Variants in XPO1 observed in about 807,000 individuals in gnomAD.
XPO1 encodes the protein exportin-1.
A neutral mutation model predicts 133.3 loss-of-function variants in XPO1; 5 were observed. The ratio of observed to expected loss-of-function variants is 0.04; its 90% CI spans 0.02 to 0.08. XPO1 has a LOEUF of 0.08. Among genes scored for constraint, XPO1 ranks in the 10% least tolerant of loss-of-function variants. The pLI, the probability that XPO1 is intolerant of heterozygous loss-of-function variation, is 1.00. For missense variants in XPO1, 506 were observed against 1,267.5 expected (o/e 0.40, Z 9.12); for synonymous variants, 419 against 408.2 (o/e 1.03, Z -0.32).
intron 4 of XPO1, among the ~76,000 whole-genome samples, chr2:61,519,195 T>C (rs1175270735): frequency 6.6e-6 from 1 of 152,172 alleles, no homozygotes; most frequent in Non-Finnish European, 1.5e-5. Context: ...GTTATCTGCC[T>C]GCCTTGGCCT....
chr2:61,502,425 T>C (rs1289809318), intron 4 of XPO1, 115 bp from the exon 5 acceptor site: 2 of 1,020,392 alleles, frequency 2.0e-6, no homozygotes, highest in Non-Finnish European at 2.9e-6. Flanking sequence ...TCAGTTAATA[T>C]ACTCTAATCC....
chr2:61,496,796 G>T, intron 10 of XPO1, 83 bp downstream of exon 10: 1 of 1,300,306 alleles, frequency 7.7e-7, no homozygotes, highest in East Asian at 2.9e-5. Flanking sequence ...TTGATACGTC[G>T]TTCTAAAATA....
At position 61,502,322 on chromosome 2, in the gene XPO1, A is replaced by G; in HGVS notation, c.302-12T>C. 6.2e-7 allele frequency: 1 copy of G among 1,606,710 alleles called. No homozygotes were observed. The highest frequency in any genetic ancestry group is 8.5e-7 in the Non-Finnish European group (1 of 1,178,170). On this transcript the variant is annotated splice_polypyrimidine_tract_variant and intron_variant, in intron 4 of 24. Coordinates refer to ENST00000401558, the MANE Select transcript of XPO1 (RefSeq NM_003400.4). ...GTATTTTTTTATTCCTATTAAAAAA[A>G]TTGCACGTAATAAAAAAATTGTTGA...
At chr2:61,511,151 T>G (rs1698077859) in intron 4 of XPO1, among the ~76,000 whole-genome samples, 1 of 152,128 alleles carries the variant, frequency 6.6e-6, no homozygotes, top group African/African-American at 2.4e-5. Flanking sequence ...TAGACAGAGT[T>G]TCGTTCTTGT....
rs558121475 is a variant in XPO1 at position 61,518,415 on chromosome 2, A to G, written c.301+4196T>C. 1.1e-4 allele frequency among the ~76,000 whole-genome samples: 9 copies of G among 84,850 alleles called. No individual in the cohort carries two copies. In the East Asian group the frequency reaches 2.1e-3, roughly 19 times the overall value. 55.7% of individuals were successfully genotyped at this position (84,850 alleles called of 152,430 possible). On this transcript the variant is annotated intron_variant, in intron 4 of 24. Coordinates refer to ENST00000401558, the MANE Select transcript of XPO1 (RefSeq NM_003400.4). ...AAAAAAAAAACAAAAAACAAAAAAC[A>G]AAACACACACACACACACACACACA...
At chr2:61,515,225 G>A (rs1698308726) in intron 4 of XPO1, among the ~76,000 whole-genome samples, 2 of 152,138 alleles carry the variant, frequency 1.3e-5, no homozygotes, top group African/African-American at 2.4e-5. Flanking sequence ...GCATGCACAA[G>A]ATAAAACTTA....
At position 61,530,473 on chromosome 2, in the gene XPO1, T is replaced by A. The variant is rs78478977; in HGVS notation, c.126+3299A>T. On this transcript the variant is annotated intron_variant, in intron 2 of 24. Transcript: ENST00000401558. Reference sequence around the variant, plus strand: ...TAACTGAATGGTGAAAGCATTTTAGTTGCTAAGCAATAGAGTTCAAGATCT... The same window carrying A: ...TAACTGAATGGTGAAAGCATTTTAGATGCTAAGCAATAGAGTTCAAGATCT... Among the ~76,000 whole-genome samples the A allele has an allele frequency of 1.4e-4, 22 of 152,316 alleles. 1 individual carries two copies. In the East Asian group the frequency reaches 4.0e-3, roughly 28 times the overall value.
intron 24 of XPO1, among the ~76,000 whole-genome samples, chr2:61,480,073 C>T (rs1000919816): frequency 3.3e-5 from 5 of 151,994 alleles, no homozygotes; most frequent in Admixed American, 6.6e-5. Context: ...CCATGTTGGC[C>T]GGGCTGATCC....
chr2:61,521,934 T>G (rs1194471077), intron 4 of XPO1, among the ~76,000 whole-genome samples: 2 of 152,036 alleles, frequency 1.3e-5, no homozygotes, highest in African/African-American at 4.8e-5. Flanking sequence ...ATTTTTAAAT[T>G]TTTTGTAAAC....
intron 2 of XPO1, among the ~76,000 whole-genome samples, chr2:61,530,814 G>C (rs1401872589): frequency 6.6e-6 from 1 of 150,606 alleles, no homozygotes; most frequent in African/African-American, 2.4e-5. Context: ...TGTCATTAGT[G>C]CATATTTTAT....
At chr2:61,517,319 T>C (rs891736772) in intron 4 of XPO1, among the ~76,000 whole-genome samples, 1 of 152,166 alleles carries the variant, frequency 6.6e-6, no homozygotes, top group Non-Finnish European at 1.5e-5. Context: ...GGAGTGGTGA[T>C]ATACCTGTAA....
chr2:61,503,254 G>A (rs1697629001), intron 4 of XPO1, among the ~76,000 whole-genome samples: 1 of 151,830 alleles, frequency 6.6e-6, no homozygotes. Flanking sequence ...ACTGCACCCG[G>A]CCTTTTCTTT....
intron 4 of XPO1, among the ~76,000 whole-genome samples, chr2:61,518,783 T>C (rs1424370802): frequency 1.3e-5 from 2 of 152,022 alleles, no homozygotes; most frequent in African/African-American, 4.8e-5. Flanking sequence ...CACAAACAAA[T>C]AGACACACAC....
intron 6 of XPO1, among the ~76,000 whole-genome samples, chr2:61,501,381 C>G (rs1267742285): frequency 6.6e-6 from 1 of 151,986 alleles, no homozygotes; most frequent in Non-Finnish European, 1.5e-5. Context: ...TCAAAGGACT[C>G]AGAGACATAC....
At chr2:61,512,186 T>A (rs556406322) in intron 4 of XPO1, among the ~76,000 whole-genome samples, 1 of 152,362 alleles carries the variant, frequency 6.6e-6, no homozygotes, top group African/African-American at 2.4e-5. Flanking sequence ...TCTAACATTG[T>A]ATTCTGTGGG....
In XPO1 at chr2:61,515,937, CCACACACACACA is replaced by C. The variant is rs35237510; in HGVS notation, c.301+6662_301+6673del. Among the ~76,000 whole-genome samples, 765 of 110,756 alleles carry C rather than the reference CCACACACACACA, an allele frequency of 6.9e-3. 25 individuals carry two copies. The East Asian group carries it at 0.1, about 14-fold the overall frequency. 72.7% of individuals were successfully genotyped at this position (110,756 alleles called of 152,430 possible). On this transcript the variant is annotated intron_variant, in intron 4 of 24. Coordinates refer to ENST00000401558, the MANE Select transcript of XPO1 (RefSeq NM_003400.4). Reference sequence around the variant, plus strand: ...TCTCTACTAAAAAAAAAAAAAAAAACCACACACACACACACACACACACACACACACACACAA... The same window carrying C: ...TCTCTACTAAAAAAAAAAAAAAAAACCACACACACACACACACACACACAA...
At position 61,526,471 on chromosome 2, in the gene XPO1, A is replaced by G; in HGVS notation, c.177T>C (p.Ala59=). The G allele has an allele frequency of 6.2e-7, 1 of 1,609,310 alleles. No individual in the cohort carries two copies. The change falls in exon 3 of 25, where the codon GCT becomes GCC. Residue 59 remains alanine, a synonymous_variant. Coordinates refer to ENST00000401558, the MANE Select transcript of XPO1 (RefSeq NM_003400.4). ...CCAAAATTGTGTCGACTCTTGTCCA[A>G]GCATCAGGATGCTCCTTTAAATGTG... ...VLTHLKEHPD[A]WTRVDTILEF...
intron 19 of XPO1, among the ~76,000 whole-genome samples, chr2:61,486,270 T>G: frequency 6.6e-6 from 1 of 151,830 alleles, no homozygotes; most frequent in East Asian, 1.9e-4. Flanking sequence ...ACCTCCCAGG[T>G]TCAAGCAATT....
At chr2:61,494,183 A>C in intron 11 of XPO1, 92 bp from the exon 12 acceptor site, 1 of 1,208,754 alleles carries the variant, frequency 8.3e-7, no homozygotes. Flanking sequence ...GAAAATAAAA[A>C]TTCATGTTTT....
Sources: gnomAD v4.1 joint callset for allele counts (sites outside exome capture counted in the v4.1 genomes callset) on GRCh38, gnomAD v4.1.1 for gene constraint, MANE v1.5 for transcripts, NCBI Gene and HGNC (gene_info 2026-07-23, HGNC 2026-07-21) for gene names.